Variants in SESTD1 observed in about 807,000 individuals in gnomAD.
SESTD1 encodes SEC14 domain and spectrin repeat-containing protein 1.
In SESTD1, 43 loss-of-function variants were observed where a neutral mutation model predicts 101.7. The observed-to-expected ratio is 0.42, with a 90% CI of 0.33 to 0.55. The LOEUF is 0.55. Among genes scored for constraint, SESTD1 ranks in the 20% least tolerant of loss-of-function variants. The probability of loss-of-function intolerance (pLI) is 0.07; values close to 1 mark genes in which losing one functional copy is unlikely to be tolerated. For synonymous variants in SESTD1, 283 were observed against 286.8 expected, an observed-to-expected ratio of 0.99 and a Z score of 0.13; for missense variants, 647 against 815.1, an observed-to-expected ratio of 0.79 and a Z score of 2.51.
intron 1 of SESTD1, among the ~76,000 whole-genome samples, chr2:179,245,661 T>C (rs1189278768): frequency 2.0e-5 from 3 of 151,848 alleles, no homozygotes; most frequent in Non-Finnish European, 4.4e-5. Context: ...CACTCCAGCC[T>C]GGGCAACAGA....
chr2:179,152,172 T>C (rs1299841735), intron 5 of SESTD1, among the ~76,000 whole-genome samples: 7 of 152,224 alleles, frequency 4.6e-5, no homozygotes, highest in Non-Finnish European at 1.0e-4. Flanking sequence ...AAAAATAATG[T>C]GTCTGGCTGG....
chr2:179,247,170 G>A (rs116689303), intron 1 of SESTD1, among the ~76,000 whole-genome samples: 1,957 of 151,066 alleles, frequency 0.013, 40 homozygotes, highest in African/African-American at 0.045. Flanking sequence ...ACATATTCAC[G>A]TAGTACATAG....
chr2:179,140,067 G>A (rs2045243281), intron 9 of SESTD1, among the ~76,000 whole-genome samples: 4 of 152,082 alleles, frequency 2.6e-5, no homozygotes, highest in South Asian at 2.1e-4. Flanking sequence ...TTCCGTTTAC[G>A]TCCACCTTGT....
At chr2:179,137,387 G>C (rs1311661397) in intron 9 of SESTD1, among the ~76,000 whole-genome samples, 2 of 152,212 alleles carry the variant, frequency 1.3e-5, no homozygotes, top group African/African-American at 4.8e-5. Flanking sequence ...CTAACCTGGA[G>C]AAAGAGTATG....
chr2:179,124,964 T>G (rs986789767), intron 10 of SESTD1, among the ~76,000 whole-genome samples: 4 of 152,182 alleles, frequency 2.6e-5, no homozygotes, highest in African/African-American at 9.7e-5. Context: ...CTTTTCAGCT[T>G]TCTGTGTGGT....
Position 179,103,835 on chromosome 2 carries a change from C to T in SESTD1, c.*6064G>A, listed in dbSNP as rs562632748. ...ATAGCACTATATGCATTTGCCAAAC[C>T]TCAGTGAACACATATTTCTATGCAC... is the stretch of plus-strand genomic sequence containing the variant. On this transcript the variant is annotated 3_prime_UTR_variant, in exon 18 of 18. Coordinates refer to ENST00000428443, the MANE Select transcript of SESTD1 (RefSeq NM_178123.5). 8 of 152,174 alleles carry T rather than the reference C, an allele frequency of 5.3e-5. No homozygotes were observed. Among genetic ancestry groups the T allele is most frequent in the Non-Finnish European group, 8.8e-5 (6 of 67,996 alleles). 9.4% of individuals were successfully genotyped at this position (152,174 alleles called of 1,614,324 possible). A position where few individuals can be genotyped will look rare whatever the true frequency, so the allele number is the denominator to read the frequency against.
At chr2:179,138,912 G>A (rs898106593) in intron 9 of SESTD1, among the ~76,000 whole-genome samples, 2 of 147,808 alleles carry the variant, frequency 1.4e-5, no homozygotes, top group Admixed American at 6.8e-5. Flanking sequence ...CCTTCCACAA[G>A]GACATCTGTC....
Position 179,105,460 on chromosome 2 carries a change from T to A in SESTD1, c.*4439A>T, listed in dbSNP as rs564482001. ...CTGATGAGCTTACCAACTGGACCTTTTGTATCTTCAGTGTGTAATTCTGAA... is the reference window on the plus strand; with the variant it reads ...CTGATGAGCTTACCAACTGGACCTTATGTATCTTCAGTGTGTAATTCTGAA... On this transcript the variant is annotated 3_prime_UTR_variant, in exon 18 of 18. Coordinates refer to ENST00000428443, the MANE Select transcript of SESTD1 (RefSeq NM_178123.5). 6.6e-6 allele frequency: 1 copy of A among 152,186 alleles called. No individual in the cohort carries two copies. The highest frequency in any genetic ancestry group is 2.1e-4 in the South Asian group (1 of 4,824). The allele number at this position is 152,186 out of a possible 1,614,324, so 9.4% of individuals were successfully genotyped here. A position where few individuals can be genotyped will look rare whatever the true frequency, so the allele number is the denominator to read the frequency against.
intron 10 of SESTD1, 48 bp downstream of exon 10, chr2:179,132,256 C>G: frequency 6.7e-7 from 1 of 1,500,798 alleles, no homozygotes; most frequent in Non-Finnish European, 8.8e-7. Flanking sequence ...CTACTAATTA[C>G]CCACGTTCAT....
At chr2:179,167,774 C>A (rs2045860840) in intron 5 of SESTD1, among the ~76,000 whole-genome samples, 2 of 151,600 alleles carry the variant, frequency 1.3e-5, no homozygotes, top group African/African-American at 2.4e-5. Context: ...ACTTTTTTTT[C>A]TTTTTTGAGG....
In SESTD1 at chr2:179,210,636, C is replaced by CT. The variant is rs1287992040; in HGVS notation, c.-25-18771dup. Among the ~76,000 whole-genome samples, 8 of 134,992 alleles carry CT rather than the reference C, an allele frequency of 5.9e-5. 2 individuals are homozygous for CT. The highest frequency in any genetic ancestry group is 2.0e-4 in the African/African-American group (7 of 34,348). The allele number at this position is 134,992 out of a possible 152,430, so 88.6% of individuals were successfully genotyped here. A position where few individuals can be genotyped will look rare whatever the true frequency, so the allele number is the denominator to read the frequency against. ...AAGCATTTGACAAAATCCAGCATCA[C>CT]TTTATGATTAAAACCCTCAGCAAAA... On this transcript the variant is annotated intron_variant, in intron 1 of 17. Coordinates refer to ENST00000428443, the MANE Select transcript of SESTD1 (RefSeq NM_178123.5).
Position 179,104,715 on chromosome 2 carries a change from T to C in SESTD1, c.*5184A>G, listed in dbSNP as rs916237310. The C allele has an allele frequency of 6.6e-6, 1 of 152,122 alleles. No individual in the cohort carries two copies. The highest frequency in any genetic ancestry group is 2.4e-5 in the African/African-American group (1 of 41,402). 9.4% of individuals were successfully genotyped at this position (152,122 alleles called of 1,614,324 possible). A position where few individuals can be genotyped will look rare whatever the true frequency, so the allele number is the denominator to read the frequency against. On this transcript the variant is annotated 3_prime_UTR_variant, in exon 18 of 18. Transcript: ENST00000428443. ...TAACACTGCTCCTGATAAGTAGCAG[T>C]TGATAACTACTTTCAGTTAAGAATT...
chr2:179,114,766 T>TAAAG (rs2154393746), intron 16 of SESTD1, among the ~76,000 whole-genome samples: 1 of 152,258 alleles, frequency 6.6e-6, no homozygotes, highest in South Asian at 2.1e-4. Context: ...CATGATACTC[T>TAAAG]AAAGAACAGA....
rs1466857802 is a variant in SESTD1, at chr2:179,103,635, C to A, written c.*6264G>T. ...AAAGAACAGCAATAAAAAAATGAAG[C>A]CTTGTAGAAAAGCGTACATGTTGCG... On this transcript the variant is annotated 3_prime_UTR_variant, in exon 18 of 18. Coordinates refer to ENST00000428443, the MANE Select transcript of SESTD1 (RefSeq NM_178123.5). The A allele has an allele frequency of 6.6e-6, 1 of 151,878 alleles. No individual in the cohort carries two copies. Among genetic ancestry groups the A allele is most frequent in the Non-Finnish European group, 1.5e-5 (1 of 67,956 alleles). 9.4% of individuals were successfully genotyped at this position (151,878 alleles called of 1,614,324 possible). A position where few individuals can be genotyped will look rare whatever the true frequency, so the allele number is the denominator to read the frequency against.
intron 9 of SESTD1, among the ~76,000 whole-genome samples, chr2:179,138,870 CAAAAAAAAAAAAAAAAAAAA>C (rs61703699): frequency 7.6e-5 from 5 of 65,538 alleles, no homozygotes; most frequent in Non-Finnish European, 1.3e-4. Flanking sequence ...AACCCTGTCT[CAAAAAAAAAAAAAAAAAAAA>C]AAAAAAAAAA....
intron 2 of SESTD1, 113 bp from the exon 3 acceptor site, chr2:179,183,301 G>C (rs894418546): frequency 1.7e-6 from 1 of 572,202 alleles, no homozygotes; most frequent in Non-Finnish European, 2.7e-6. Flanking sequence ...GATATAATTT[G>C]GAAAATATCT....
At chr2:179,151,693 T>C (rs1268853383) in intron 5 of SESTD1, among the ~76,000 whole-genome samples, 1 of 150,506 alleles carries the variant, frequency 6.6e-6, no homozygotes, top group Non-Finnish European at 1.5e-5. Context: ...AATCAATTCC[T>C]TAATGCAATG....
intron 3 of SESTD1, among the ~76,000 whole-genome samples, chr2:179,181,991 T>A (rs2046120322): frequency 2.1e-5 from 3 of 139,622 alleles, no homozygotes; most frequent in Non-Finnish European, 3.1e-5. Flanking sequence ...TCCACAATAT[T>A]AAAAAAAAAA....
chr2:179,137,592 G>A (rs972816778), intron 9 of SESTD1, among the ~76,000 whole-genome samples: 1 of 152,204 alleles, frequency 6.6e-6, no homozygotes, highest in African/African-American at 2.4e-5. Context: ...GTGGCACTGT[G>A]TGCTATCCAG....
Sources: gnomAD v4.1 joint callset for allele counts (sites outside exome capture counted in the v4.1 genomes callset) on GRCh38, gnomAD v4.1.1 for gene constraint, MANE v1.5 for transcripts, NCBI Gene and HGNC (gene_info 2026-07-23, HGNC 2026-07-21) for gene names.